ZBTB20: variants seen among roughly 807,000 people sequenced by gnomAD.
ZBTB20 encodes the protein zinc finger and BTB domain containing 20.
Under a neutral mutation model 56.9 loss-of-function variants are expected in ZBTB20, and 9 were observed. That is an observed-to-expected ratio of 0.16 (90% CI 0.10 to 0.28). The LOEUF (loss-of-function observed/expected upper bound fraction) is 0.28. ZBTB20 is among the 10% of genes least tolerant of loss of function. The pLI is 1.00. For missense variants in ZBTB20, 655 were observed against 1,003.0 expected (o/e 0.65, Z 4.69); for synonymous variants, 417 against 420.7 (o/e 0.99, Z 0.11).
intron 4 of ZBTB20, among the ~76,000 whole-genome samples, chr3:114,836,718 T>C (rs1024335711): frequency 3.3e-5 from 5 of 152,116 alleles, no homozygotes; most frequent in African/African-American, 4.8e-5. Context: ...TTCCTCACTA[T>C]CTCTGCTATC....
At chr3:114,449,386 T>A (rs1426354017) in intron 7 of ZBTB20, among the ~76,000 whole-genome samples, 2 of 151,992 alleles carry the variant, frequency 1.3e-5, no homozygotes, top group African/African-American at 4.8e-5. Flanking sequence ...AGCTAATGAG[T>A]AAGTACATTC....
intron 8 of ZBTB20, among the ~76,000 whole-genome samples, chr3:114,381,705 G>A (rs1182757262): frequency 2.0e-5 from 3 of 152,198 alleles, no homozygotes; most frequent in Admixed American, 2.0e-4. Context: ...TAAATTTGTT[G>A]TGCTGGGTAG....
chr3:114,879,305 G>C (rs1171884408), intron 4 of ZBTB20, among the ~76,000 whole-genome samples: 1 of 152,132 alleles, frequency 6.6e-6, no homozygotes, highest in African/African-American at 2.4e-5. Context: ...TATGGGGACT[G>C]TATGAGTGCT....
chr3:114,715,312 G>A (rs1427303396), intron 5 of ZBTB20, among the ~76,000 whole-genome samples: 4 of 152,096 alleles, frequency 2.6e-5, no homozygotes, highest in African/African-American at 7.2e-5. Context: ...GAAGAATTTC[G>A]GTAGCAATGA....
chr3:114,548,774 C>A (rs886581315), intron 6 of ZBTB20, among the ~76,000 whole-genome samples: 5 of 152,160 alleles, frequency 3.3e-5, no homozygotes, highest in Admixed American at 3.3e-4. Context: ...CTGCCTCAGC[C>A]TCCTAAAGTG....
chr3:114,448,341 T>C (rs1050211705), intron 7 of ZBTB20, among the ~76,000 whole-genome samples: 1 of 152,174 alleles, frequency 6.6e-6, no homozygotes, highest in African/African-American at 2.4e-5. Flanking sequence ...TTTTCCTACA[T>C]ATGCCACAAT....
chr3:114,991,675 C>T (rs140973382), intron 2 of ZBTB20, among the ~76,000 whole-genome samples: 1 of 151,942 alleles, frequency 6.6e-6, no homozygotes, highest in African/African-American at 2.4e-5. Flanking sequence ...CTTTCTGTCT[C>T]GTTGATCTGT....
At chr3:115,114,596 T>C (rs962011473) in intron 1 of ZBTB20, among the ~76,000 whole-genome samples, 2 of 152,190 alleles carry the variant, frequency 1.3e-5, no homozygotes, top group Non-Finnish European at 2.9e-5. Context: ...TATAACATTA[T>C]GTTCCAAGTT....
At chr3:115,055,611 T>A (rs753932858) in intron 2 of ZBTB20, among the ~76,000 whole-genome samples, 14 of 152,090 alleles carry the variant, frequency 9.2e-5, no homozygotes, top group Non-Finnish European at 1.9e-4. Context: ...ATAATAGAGA[T>A]ATAAATATCT....
intron 5 of ZBTB20, among the ~76,000 whole-genome samples, chr3:114,767,536 T>C (rs773884740): frequency 3.0e-5 from 4 of 134,806 alleles, no homozygotes; most frequent in East Asian, 2.1e-4. Flanking sequence ...GGAGGAAAGA[T>C]GGAAGGACAG....
chr3:115,058,085 T>C (rs1012112185), intron 2 of ZBTB20, among the ~76,000 whole-genome samples: 3 of 152,138 alleles, frequency 2.0e-5, no homozygotes, highest in Non-Finnish European at 4.4e-5. Context: ...GAGAACAGCA[T>C]GAGGTAACCA....
chr3:114,339,026 C>A lies in ZBTB20; in HGVS notation c.2205G>T (p.Arg735Ser), dbSNP rs751993649. The change falls in exon 12 of 12, where the codon AGG (arginine) becomes AGT (serine). Residue 735 changes from arginine (R) to serine (S), a missense_variant. Arg to Ser is a moderately radical substitution (Grantham distance 110). Transcript: ENST00000675478. The surrounding 1 kb of genome is among the most constrained non-coding windows in gnomAD (Gnocchi z 4.2). ...CTACTTATCCGTCAGACACATGCAT[C>A]CTCATGTGGTCGTTGAACTGCTCGA... The part of the protein sequence containing the change: ...DQIEQFNDHM[R>S]MHVSDG 6.6e-7 allele frequency: 1 copy of A among 1,518,362 alleles called. No individual in the cohort carries two copies. Among genetic ancestry groups the A allele is most frequent in the East Asian group, 2.3e-5 (1 of 43,922 alleles). 94.1% of individuals were successfully genotyped at this position (1,518,362 alleles called of 1,614,324 possible).
At chr3:114,909,807 T>C (rs940965023) in intron 3 of ZBTB20, among the ~76,000 whole-genome samples, 3 of 151,870 alleles carry the variant, frequency 2.0e-5, no homozygotes, top group Non-Finnish European at 4.4e-5. Context: ...AGCTAAACAG[T>C]CTTAGGGAGC....
chr3:114,789,424 C>A (rs773512011), intron 5 of ZBTB20, among the ~76,000 whole-genome samples: 1 of 152,064 alleles, frequency 6.6e-6, no homozygotes, highest in Non-Finnish European at 1.5e-5. Flanking sequence ...CAACTAGACT[C>A]CATCTTTTAA....
chr3:115,047,224 C>G (rs935466793), intron 2 of ZBTB20, among the ~76,000 whole-genome samples: 2 of 152,062 alleles, frequency 1.3e-5, no homozygotes, highest in African/African-American at 4.8e-5. Context: ...GATCTTTTCA[C>G]CTTTAGTAAT....
At chr3:115,096,005 A>G (rs1473591811) in intron 1 of ZBTB20, among the ~76,000 whole-genome samples, 6 of 152,206 alleles carry the variant, frequency 3.9e-5, no homozygotes, top group Admixed American at 3.3e-4. Context: ...ACAAGTTTCA[A>G]GTTTTGTAAA....
intron 1 of ZBTB20, among the ~76,000 whole-genome samples, chr3:115,110,018 T>C (rs942770645): frequency 3.9e-4 from 59 of 152,118 alleles, no homozygotes; most frequent in African/African-American, 1.4e-3. Flanking sequence ...GCAACCAGCC[T>C]GGCCAACATG....
chr3:114,449,390 T>C (rs1172047804), intron 7 of ZBTB20, among the ~76,000 whole-genome samples: 1 of 152,122 alleles, frequency 6.6e-6, no homozygotes, highest in Admixed American at 6.5e-5. Flanking sequence ...AATGAGTAAG[T>C]ACATTCTGGT....
At chr3:114,581,141 C>T (rs984877690) in intron 6 of ZBTB20, among the ~76,000 whole-genome samples, 2 of 151,766 alleles carry the variant, frequency 1.3e-5, no homozygotes, top group Admixed American at 6.6e-5. Flanking sequence ...TTGATATAGG[C>T]AAAAGATGGC....
Sources: allele counts gnomAD v4.1 joint callset (sites outside exome capture counted in the v4.1 genomes callset), GRCh38; gene constraint gnomAD v4.1.1; non-coding constraint Gnocchi (gnomAD v3.1); transcripts MANE v1.5; gene names NCBI Gene and HGNC (gene_info 2026-07-23, HGNC 2026-07-21).